ALDH5A1: variants seen among roughly 807,000 people sequenced by gnomAD.
ALDH5A1 encodes the protein aldehyde dehydrogenase 5 family member A1.
Under a neutral mutation model 54.7 loss-of-function variants are expected in ALDH5A1, and 33 were observed. The observed-to-expected ratio is 0.60, with a 90% CI of 0.46 to 0.81. The LOEUF (loss-of-function observed/expected upper bound fraction) is 0.81. Among genes scored for constraint, ALDH5A1 ranks in the 30% least tolerant of loss-of-function variants. The pLI is 0.00. For missense variants in ALDH5A1, 657 were observed against 711.0 expected, an observed-to-expected ratio of 0.92 and a Z score of 0.86; for synonymous variants, 294 against 292.7, an observed-to-expected ratio of 1.00 and a Z score of -0.05.
At chr6:24,513,064 A>C (rs777277578) in intron 4 of ALDH5A1, among the ~76,000 whole-genome samples, 44 of 141,086 alleles carry the variant, frequency 3.1e-4, no homozygotes, top group Non-Finnish European at 6.0e-4. Flanking sequence ...TCTACTTCTT[A>C]TTATTTTTTC....
chr6:24,502,408 A>G, intron 1 of ALDH5A1, 115 bp from the exon 2 acceptor site: 1 of 850,074 alleles, frequency 1.2e-6, no homozygotes. Flanking sequence ...ATTAACCATT[A>G]CAACCAAGGA....
rs1463862742 is a variant in ALDH5A1, at chr6:24,495,130, G to C, written c.134G>C (p.Arg45Pro). ...CCTGCGCCCGGCCCGGCCCAGCTCC[G>C]CTGCTACGCTGGGCGCCTGGCGGGC... ...SGPAPGPAQL[R>P]CYAGRLAGLS... is the part of the protein sequence containing the mutation. Residue 45 changes from arginine to proline, a missense_variant, in exon 1 of 10, where the codon CGC (arginine) becomes CCC (proline). Physicochemically the swap from Arg to Pro is moderately radical, Grantham distance 103 (BLOSUM62 -2). Around this residue, in one of 2 missense-constraint regions of ALDH5A1, gnomAD observed 232 missense variants for 194.6 expected, o/e 1.19. Transcript: ENST00000357578. The C allele has an allele frequency of 1.4e-6, 2 of 1,388,738 alleles. No individual in the cohort carries two copies. The highest frequency in any genetic ancestry group is 6.7e-5 in the Admixed American group (2 of 30,024). 86.0% of individuals were successfully genotyped at this position (1,388,738 alleles called of 1,614,324 possible).
chr6:24,503,478 G>A (rs1484993655), intron 3 of ALDH5A1, 45 bp downstream of exon 3: 1 of 1,598,736 alleles, frequency 6.3e-7, no homozygotes. Flanking sequence ...AGATTGGATA[G>A]GGAGTTGGGA....
chr6:24,506,963 G>A (rs531518700), intron 4 of ALDH5A1, among the ~76,000 whole-genome samples: 18 of 152,234 alleles, frequency 1.2e-4, no homozygotes, highest in African/African-American at 3.1e-4. Flanking sequence ...TCTGTTTCAG[G>A]ATCTGGTCCA....
At chr6:24,508,122 T>G (rs1759391924) in intron 4 of ALDH5A1, among the ~76,000 whole-genome samples, 1 of 151,970 alleles carries the variant, frequency 6.6e-6, no homozygotes, top group Admixed American at 6.6e-5. Flanking sequence ...CCCAGCACTT[T>G]GAGAGGCTGA....
intron 3 of ALDH5A1, among the ~76,000 whole-genome samples, chr6:24,503,839 T>C (rs1268312547): frequency 6.6e-6 from 1 of 152,188 alleles, no homozygotes; most frequent in East Asian, 1.9e-4. Context: ...AATTGATGGT[T>C]ATCATCAATA....
Position 24,522,877 on chromosome 6 carries a change from G to T in ALDH5A1, c.1125G>T (p.Glu375Asp). 1 of 1,614,098 alleles carries T rather than the reference G, an allele frequency of 6.2e-7. No homozygotes were observed. Among genetic ancestry groups the T allele is most frequent in the Non-Finnish European group, 8.5e-7 (1 of 1,180,012 alleles). Residue 375 changes from glutamate (E) to aspartate (D), a missense_variant, in exon 7 of 10, where the codon GAG (glutamate) becomes GAT (aspartate). This residue lies in a region of ALDH5A1 where 425 missense variants were observed against 516.4 expected (regional missense o/e 0.82). Coordinates refer to ENST00000357578, the MANE Select transcript of ALDH5A1 (RefSeq NM_001080.3). The stretch of plus-strand genomic sequence containing the variant: ...ACCTGCGCGTAGGTAATGGATTTGA[G>T]GAAGGAACTACTCAGGGCCCATTAA... ...KKNLRVGNGF[E>D]EGTTQGPLIN...
chr6:24,512,393 C>G (rs865826823), intron 4 of ALDH5A1, among the ~76,000 whole-genome samples: 4 of 152,220 alleles, frequency 2.6e-5, no homozygotes, highest in African/African-American at 9.6e-5. Flanking sequence ...AGTCCTGCTT[C>G]CCATCCACCA....
At chr6:24,532,001 C>A in intron 8 of ALDH5A1, 118 bp from the exon 9 acceptor site, 1 of 941,902 alleles carries the variant, frequency 1.1e-6, no homozygotes, top group African/African-American at 1.6e-5. Context: ...TCTTGGATCT[C>A]TTTGCAAAAC....
rs1173884666 is a variant in ALDH5A1 at position 24,518,006 on chromosome 6, T to C, written c.871-2395T>C. On this transcript the variant is annotated intron_variant, in intron 5 of 9. Coordinates refer to ENST00000357578, the MANE Select transcript of ALDH5A1 (RefSeq NM_001080.3). This position sits in a 1 kb window ranked among gnomAD's most constrained non-coding sequence, Gnocchi z 4.2. ...CTCTTCCTCTGTTCAGAAAACTGAA[T>C]CATGAGTGGTCATTGACTTGAGCGA... Among the ~76,000 whole-genome samples the C allele has an allele frequency of 4.6e-5, 7 of 152,170 alleles. No homozygotes were observed. The highest frequency in any genetic ancestry group is 1.7e-4 in the African/African-American group (7 of 41,438).
At chr6:24,512,775 C>T (rs567782816) in intron 4 of ALDH5A1, among the ~76,000 whole-genome samples, 94 of 152,244 alleles carry the variant, frequency 6.2e-4, no homozygotes, top group Non-Finnish European at 1.1e-3. Flanking sequence ...CTGCAATCTC[C>T]GCCTCCCTGG....
At chr6:24,530,135 T>C (rs1759904560) in intron 8 of ALDH5A1, among the ~76,000 whole-genome samples, 1 of 152,182 alleles carries the variant, frequency 6.6e-6, no homozygotes, top group Non-Finnish European at 1.5e-5. Flanking sequence ...ATTCCATCTC[T>C]TCATTCCTGA....
At chr6:24,531,922 G>T in intron 8 of ALDH5A1, 197 bp from the exon 9 acceptor site, 1 of 634,276 alleles carries the variant, frequency 1.6e-6, no homozygotes, top group East Asian at 2.8e-5. Flanking sequence ...AGCCAGTATT[G>T]ATTTGAGCAT....
intron 2 of ALDH5A1, among the ~76,000 whole-genome samples, chr6:24,502,847 A>G (rs1247327149): frequency 6.6e-6 from 1 of 151,874 alleles, no homozygotes; most frequent in Non-Finnish European, 1.5e-5. Flanking sequence ...TTGCAACTAT[A>G]TGAATAACTG....
intron 7 of ALDH5A1, among the ~76,000 whole-genome samples, chr6:24,523,932 C>T (rs1175378803): frequency 6.6e-6 from 1 of 151,182 alleles, no homozygotes; most frequent in African/African-American, 2.4e-5. Context: ...TAAAAAAATC[C>T]ATTTTGGAGT....
intron 1 of ALDH5A1, among the ~76,000 whole-genome samples, chr6:24,498,262 G>A (rs548853916): frequency 7.9e-5 from 12 of 152,322 alleles, no homozygotes; most frequent in African/African-American, 2.9e-4. Context: ...GTATGAGTCT[G>A]AGGTTTGAGA....
chr6:24,527,298 G>A (rs1411157354), intron 7 of ALDH5A1, among the ~76,000 whole-genome samples: 3 of 152,038 alleles, frequency 2.0e-5, no homozygotes, highest in East Asian at 3.9e-4. Flanking sequence ...ACTTGGCCAG[G>A]CCTCGTGGCT....
In ALDH5A1 at chr6:24,504,991, C is replaced by CCA; in HGVS notation, c.726+7_726+8insAC. The CCA allele has an allele frequency of 2.5e-6, 4 of 1,612,788 alleles. No homozygotes were observed. In the South Asian group the frequency reaches 4.4e-5, roughly 18 times the overall value. On this transcript the variant is annotated splice_region_variant and intron_variant, in intron 4 of 9. Transcript: ENST00000357578. ...CCGCCCTGGCCCTGGCTGAGGTGAG[C>CCA]CGCTCTCCCTGTGTTTGTACAAAGC...
chr6:24,514,282 A>G (rs1438603199), intron 4 of ALDH5A1, among the ~76,000 whole-genome samples: 2 of 152,154 alleles, frequency 1.3e-5, no homozygotes, highest in African/African-American at 4.8e-5. Flanking sequence ...GCTGCCCTGC[A>G]CCTAGTAGGT....
Sources: allele counts gnomAD v4.1 joint callset (sites outside exome capture counted in the v4.1 genomes callset), GRCh38; gene constraint gnomAD v4.1.1; regional missense constraint gnomAD v4.1.1; non-coding constraint Gnocchi (gnomAD v3.1); transcripts MANE v1.5; gene names NCBI Gene and HGNC (gene_info 2026-07-23, HGNC 2026-07-21).